SIPA1L1: variants seen among roughly 807,000 people sequenced by gnomAD.
The protein encoded by SIPA1L1 is signal induced proliferation associated 1 like 1.
In SIPA1L1, 26 loss-of-function variants were observed where a neutral mutation model predicts 162.7. The observed-to-expected ratio is 0.16, with a 90% confidence interval of 0.12 to 0.22. The LOEUF (loss-of-function observed/expected upper bound fraction) is 0.22, where lower values mean the gene tolerates loss of function less well. SIPA1L1 is among the 10% of genes least tolerant of loss of function. The pLI is 1.00. For missense variants in SIPA1L1, 1,874 were observed against 2,241.0 expected (o/e 0.84, Z 3.31); for synonymous variants, 829 against 837.4 (o/e 0.99, Z 0.17).
Position 71,513,927 on chromosome 14 carries a change from T to C in SIPA1L1, c.-362+1082T>C, listed in dbSNP as rs72729920. On this transcript the variant is annotated intron_variant, in intron 3 of 23. Coordinates refer to ENST00000381232, the MANE Select transcript of SIPA1L1 (RefSeq NM_001386936.1). ...GCGGTCATGACGCAGAACTTCTTCC[T>C]TGGGAGTCCTCCGCTGTTGCTCTAA... 2.0e-3 allele frequency among the ~76,000 whole-genome samples: 311 copies of C among 152,286 alleles called. 2 individuals carry two copies. Among genetic ancestry groups the C allele is most frequent in the Non-Finnish European group, 3.1e-3 (208 of 68,022 alleles).
chr14:71,604,867 C>A (rs1021485244), intron 5 of SIPA1L1, among the ~76,000 whole-genome samples: 2 of 151,974 alleles, frequency 1.3e-5, no homozygotes, highest in African/African-American at 2.4e-5. Flanking sequence ...TGGAGAAGAC[C>A]CTTTTTTATT....
intron 12 of SIPA1L1, 21 bp downstream of exon 12, chr14:71,672,643 G>A (rs1184530354): frequency 3.1e-6 from 5 of 1,607,470 alleles, no homozygotes; most frequent in Non-Finnish European, 4.3e-6. Flanking sequence ...GGAGACAGCT[G>A]TGGGCCTGAG....
intron 4 of SIPA1L1, among the ~76,000 whole-genome samples, chr14:71,541,811 A>G (rs1057364050): frequency 3.3e-5 from 5 of 152,120 alleles, no homozygotes; most frequent in African/African-American, 1.2e-4. Context: ...TGTTGACACA[A>G]TGCATACATC....
At position 71,688,736 on chromosome 14, in the gene SIPA1L1, A is replaced by T. The variant is rs1477796474; in HGVS notation, c.3374+3105A>T. Among the ~76,000 whole-genome samples, 6 of 152,182 alleles carry T rather than the reference A, an allele frequency of 3.9e-5. No homozygotes were observed. The East Asian group carries it at 1.2e-3, about 29-fold the overall frequency. On this transcript the variant is annotated intron_variant, in intron 13 of 23. Coordinates refer to ENST00000381232, the MANE Select transcript of SIPA1L1 (RefSeq NM_001386936.1). ...CTTGTACTCACCAAGTATAATTTGGACCTTTCAGAGGAATCATAAATCATG... is the reference window on the plus strand; with the variant it reads ...CTTGTACTCACCAAGTATAATTTGGTCCTTTCAGAGGAATCATAAATCATG...
chr14:71,346,946 C>G (rs1159108559), intron 2 of SIPA1L1, among the ~76,000 whole-genome samples: 1 of 151,568 alleles, frequency 6.6e-6, no homozygotes, highest in Non-Finnish European at 1.5e-5. Context: ...TAAATTTAAG[C>G]AATATGTAGT....
At chr14:71,359,428 C>T (rs766126795) in intron 2 of SIPA1L1, among the ~76,000 whole-genome samples, 3 of 152,202 alleles carry the variant, frequency 2.0e-5, no homozygotes, top group Non-Finnish European at 2.9e-5. Flanking sequence ...CTTATATGTA[C>T]ATCTCCTCCA....
intron 2 of SIPA1L1, among the ~76,000 whole-genome samples, chr14:71,353,955 G>A (rs2036968533): frequency 6.6e-6 from 1 of 151,760 alleles, no homozygotes; most frequent in Admixed American, 6.6e-5. Flanking sequence ...AAGGCCATTC[G>A]AATACCAAAA....
At chr14:71,413,796 G>T (rs989851877) in intron 2 of SIPA1L1, among the ~76,000 whole-genome samples, 6 of 152,198 alleles carry the variant, frequency 3.9e-5, no homozygotes, top group Non-Finnish European at 8.8e-5. Flanking sequence ...ACCAATTAAA[G>T]AAGGTTTTAG....
intron 4 of SIPA1L1, among the ~76,000 whole-genome samples, chr14:71,556,203 AC>A (rs1277405641): frequency 6.6e-6 from 1 of 152,242 alleles, no homozygotes; most frequent in African/African-American, 2.4e-5. Context: ...CAAATGTTTA[AC>A]CAATTTTTTC....
intron 4 of SIPA1L1, among the ~76,000 whole-genome samples, chr14:71,543,709 T>G (rs2054686316): frequency 6.6e-6 from 1 of 151,334 alleles, no homozygotes; most frequent in African/African-American, 2.4e-5. Flanking sequence ...TTCTTTTTTT[T>G]TTTTTTGCAG....
intron 4 of SIPA1L1, chr14:71,573,355 C>A: frequency 3.0e-6 from 1 of 333,132 alleles, no homozygotes; most frequent in South Asian, 2.4e-5. Flanking sequence ...GATTAAGCCT[C>A]TGCTAAGGAC....
At chr14:71,457,210 C>T (rs1017785640) in intron 2 of SIPA1L1, among the ~76,000 whole-genome samples, 1 of 152,174 alleles carries the variant, frequency 6.6e-6, no homozygotes, top group African/African-American at 2.4e-5. Flanking sequence ...TCCATTCTTC[C>T]ATTCCTTGTA....
intron 7 of SIPA1L1, among the ~76,000 whole-genome samples, chr14:71,642,495 A>G (rs942431431): frequency 1.3e-5 from 2 of 152,228 alleles, no homozygotes; most frequent in African/African-American, 2.4e-5. Flanking sequence ...AGTGGGGCAG[A>G]ATTATCCTTA....
intron 5 of SIPA1L1, among the ~76,000 whole-genome samples, chr14:71,593,440 G>T (rs1446288274): frequency 6.6e-6 from 1 of 152,018 alleles, no homozygotes; most frequent in African/African-American, 2.4e-5. Flanking sequence ...TCAAACTCCT[G>T]GCCTTAAGTG....
intron 2 of SIPA1L1, among the ~76,000 whole-genome samples, chr14:71,468,005 G>GGGGT (rs372232012): frequency 3.5e-5 from 5 of 141,606 alleles, no homozygotes; most frequent in South Asian, 4.6e-4. Flanking sequence ...CAGTTAGAGG[G>GGGGT]GTGTGTGTGT....
chr14:71,579,759 C>T (rs1596249829), intron 4 of SIPA1L1, among the ~76,000 whole-genome samples: 1 of 152,250 alleles, frequency 6.6e-6, no homozygotes, highest in East Asian at 1.9e-4. Context: ...TGTTCTTATG[C>T]TCCTTTCTAC....
At chr14:71,583,230 A>G (rs975076677) in intron 4 of SIPA1L1, among the ~76,000 whole-genome samples, 5 of 152,222 alleles carry the variant, frequency 3.3e-5, no homozygotes, top group African/African-American at 1.2e-4. Context: ...GGCTCAAGCC[A>G]TCTGCCTGCC....
intron 2 of SIPA1L1, among the ~76,000 whole-genome samples, chr14:71,447,032 C>T (rs995253161): frequency 5.3e-5 from 8 of 150,064 alleles, no homozygotes; most frequent in African/African-American, 1.7e-4. Flanking sequence ...CTATCTCGGC[C>T]CCCTGAGTAG....
chr14:71,537,002 CTCTTG>C (rs2053960729), intron 4 of SIPA1L1, among the ~76,000 whole-genome samples: 1 of 152,026 alleles, frequency 6.6e-6, no homozygotes, highest in African/African-American at 2.4e-5. Flanking sequence ...TAGTTCTGAA[CTCTTG>C]TCTTCTTATG....
Sources: gnomAD v4.1 joint callset for allele counts (sites outside exome capture counted in the v4.1 genomes callset) on GRCh38, gnomAD v4.1.1 for gene constraint, MANE v1.5 for transcripts, NCBI Gene and HGNC (gene_info 2026-07-23, HGNC 2026-07-21) for gene names.